The following NUBPL variants were observed in gnomAD, a reference collection of about 807,000 sequenced individuals.
The protein encoded by NUBPL is iron-sulfur cluster transfer protein NUBPL.
Under a neutral mutation model 45.7 loss-of-function variants are expected in NUBPL, and 31 were observed. That is an observed-to-expected ratio of 0.68 (90% CI 0.51 to 0.92). The LOEUF is 0.92. Ranked by LOEUF, NUBPL falls within the 40% of genes least tolerant of loss-of-function variation. The pLI, the probability that NUBPL is intolerant of heterozygous loss-of-function variation, is 0.00. For synonymous variants in NUBPL, 144 were observed against 140.9 expected, an observed-to-expected ratio of 1.02 and a Z score of -0.15; for missense variants, 401 against 398.7, an observed-to-expected ratio of 1.01 and a Z score of -0.05.
chr14:31,668,355 AC>A (rs1464799581), intron 4 of NUBPL, among the ~76,000 whole-genome samples: 1 of 152,084 alleles, frequency 6.6e-6, no homozygotes, highest in African/African-American at 2.4e-5. Flanking sequence ...CTTCCTTAAT[AC>A]GGTGAGGGGA....
At chr14:31,637,685 G>T (rs937287795) in intron 4 of NUBPL, among the ~76,000 whole-genome samples, 2 of 152,188 alleles carry the variant, frequency 1.3e-5, no homozygotes, top group African/African-American at 4.8e-5. Flanking sequence ...TGTTGACAGT[G>T]GGAAGTTAGA....
At chr14:31,574,833 G>A (rs1415421684) in intron 3 of NUBPL, among the ~76,000 whole-genome samples, 6 of 151,846 alleles carry the variant, frequency 4.0e-5, no homozygotes, top group Non-Finnish European at 8.8e-5. Flanking sequence ...CGCCTGCCTC[G>A]GCCTCTCAAA....
At chr14:31,609,043 G>A (rs2034681308) in intron 4 of NUBPL, among the ~76,000 whole-genome samples, 1 of 152,038 alleles carries the variant, frequency 6.6e-6, no homozygotes, top group African/African-American at 2.4e-5. Flanking sequence ...AAAACAACCA[G>A]AAAACAAGTA....
At chr14:31,766,627 G>A (rs1039568247) in intron 6 of NUBPL, among the ~76,000 whole-genome samples, 4 of 152,066 alleles carry the variant, frequency 2.6e-5, no homozygotes, top group South Asian at 4.1e-4. Context: ...TGCAGTTATC[G>A]CCATTGACTT....
Position 31,771,334 on chromosome 14 carries a change from GA to G in NUBPL, c.514-16437del, listed in dbSNP as rs555492198. 1.1e-4 allele frequency among the ~76,000 whole-genome samples: 17 copies of G among 149,692 alleles called. No individual in the cohort carries two copies. In the East Asian group the frequency reaches 2.9e-3, roughly 26 times the overall value. On this transcript the variant is annotated intron_variant, in intron 6 of 10. Transcript: ENST00000281081. Reference sequence around the variant, plus strand: ...ACGTTCTTATAATGAACCAGAATAGGAAAAAAAAAGGAAAGCAAATGAATAA... The same window carrying G: ...ACGTTCTTATAATGAACCAGAATAGGAAAAAAAAGGAAAGCAAATGAATAA...
chr14:31,565,499 C>G (rs901958413), intron 3 of NUBPL, among the ~76,000 whole-genome samples: 3 of 152,106 alleles, frequency 2.0e-5, no homozygotes, highest in African/African-American at 7.2e-5. Flanking sequence ...GGCTATAGTT[C>G]TATGTATATC....
intron 6 of NUBPL, among the ~76,000 whole-genome samples, chr14:31,692,628 C>T (rs2037118644): frequency 6.6e-6 from 1 of 152,328 alleles, no homozygotes; most frequent in African/African-American, 2.4e-5. Flanking sequence ...AGCAGTTTCA[C>T]TTTAGCTGAT....
chr14:31,634,909 A>G (rs1412199262), intron 4 of NUBPL, among the ~76,000 whole-genome samples: 12 of 145,648 alleles, frequency 8.2e-5, no homozygotes, highest in Non-Finnish European at 5.9e-5. Flanking sequence ...GTCTGTTCAT[A>G]TCCTTCGCCC....
chr14:31,791,421 A>G (rs377533548), intron 7 of NUBPL, among the ~76,000 whole-genome samples: 4 of 152,232 alleles, frequency 2.6e-5, no homozygotes, highest in Non-Finnish European at 4.4e-5. Flanking sequence ...AAGTAAGTCT[A>G]TTCCCTAGAC....
chr14:31,720,473 C>T (rs1757111009), intron 6 of NUBPL, among the ~76,000 whole-genome samples: 1 of 152,142 alleles, frequency 6.6e-6, no homozygotes, highest in Admixed American at 6.5e-5. Flanking sequence ...CTGTCTGTCC[C>T]TTTTAGCCTC....
intron 6 of NUBPL, among the ~76,000 whole-genome samples, chr14:31,709,160 T>C (rs2037516498): frequency 1.3e-5 from 2 of 152,312 alleles, no homozygotes; most frequent in South Asian, 4.1e-4. Flanking sequence ...CTTTTGGAAC[T>C]TTCTCCTGAT....
intron 4 of NUBPL, among the ~76,000 whole-genome samples, chr14:31,666,252 TATA>T (rs2036415436): frequency 2.2e-5 from 1 of 44,594 alleles, no homozygotes; most frequent in South Asian, 8.2e-4. Context: ...TATATATATA[TATA>T]TATATATAAT....
intron 6 of NUBPL, among the ~76,000 whole-genome samples, chr14:31,756,962 G>T (rs1218376086): frequency 6.6e-6 from 1 of 150,536 alleles, no homozygotes; most frequent in Non-Finnish European, 1.5e-5. Context: ...AGATAATCAT[G>T]TGGTTTTTGT....
intron 6 of NUBPL, among the ~76,000 whole-genome samples, chr14:31,765,844 C>A (rs2038902816): frequency 6.6e-6 from 1 of 152,070 alleles, no homozygotes. Flanking sequence ...TATTTATAAG[C>A]CAGTTTGGTA....
chr14:31,695,388 A>G (rs1228166091), intron 6 of NUBPL, among the ~76,000 whole-genome samples: 1 of 147,790 alleles, frequency 6.8e-6, no homozygotes, highest in African/African-American at 2.5e-5. Context: ...GCTATCTAAG[A>G]CCAAAAATTA....
chr14:31,655,572 G>C (rs1323756831), intron 4 of NUBPL, among the ~76,000 whole-genome samples: 2 of 152,134 alleles, frequency 1.3e-5, no homozygotes, highest in Non-Finnish European at 2.9e-5. Context: ...AATTAGCAAG[G>C]CATGGCAGAG....
rs370833262 is a variant in NUBPL at position 31,718,802 on chromosome 14, A to T, written c.513+45228A>T. 4.6e-5 allele frequency among the ~76,000 whole-genome samples: 7 copies of T among 152,174 alleles called. No homozygotes were observed. The East Asian group carries it at 7.7e-4, about 17-fold the overall frequency. ...GGACTGGCATGTACATATAAAAAAG[A>T]TTAGTGTTTGCTGAGCTGCTTCTTC... is the stretch of plus-strand genomic sequence containing the variant. On this transcript the variant is annotated intron_variant, in intron 6 of 10. Transcript: ENST00000281081.
In NUBPL at chr14:31,747,426, C is replaced by T. The variant is rs185278031; in HGVS notation, c.514-40354C>T. ...TGCTGGGATTAGAGGTGTGAGCCAC[C>T]GCATCCGGCCTGTCCTGGGCTTTTC... On this transcript the variant is annotated intron_variant, in intron 6 of 10. Coordinates refer to ENST00000281081, the MANE Select transcript of NUBPL (RefSeq NM_025152.3). Among the ~76,000 whole-genome samples the T allele has an allele frequency of 5.3e-5, 8 of 151,520 alleles. No homozygotes were observed. In the East Asian group the frequency reaches 5.9e-4, roughly 11 times the overall value.
intron 6 of NUBPL, among the ~76,000 whole-genome samples, chr14:31,762,219 G>A (rs559493503): frequency 6.6e-6 from 1 of 152,244 alleles, no homozygotes; most frequent in South Asian, 2.1e-4. Context: ...AGGCCTTGAG[G>A]CAAGTATAGT....
Sources: allele counts gnomAD v4.1 joint callset (sites outside exome capture counted in the v4.1 genomes callset), GRCh38; gene constraint gnomAD v4.1.1; transcripts MANE v1.5; gene names NCBI Gene and HGNC (gene_info 2026-07-23, HGNC 2026-07-21).